Variants in FUS observed in about 807,000 individuals in gnomAD.
FUS encodes the protein RNA-binding protein FUS.
FUS carries 5 observed loss-of-function variants against 82.7 expected under a neutral mutation model. That is an observed-to-expected ratio of 0.06 (90% CI 0.03 to 0.13). The LOEUF is 0.13. FUS is among the 10% of genes least tolerant of loss of function. FUS has a pLI of 1.00. For missense variants in FUS, 512 were observed against 707.8 expected, an observed-to-expected ratio of 0.72 and a Z score of 3.14; for synonymous variants, 281 against 247.4, an observed-to-expected ratio of 1.14 and a Z score of -1.27.
chr16:31,188,923 A>G (rs2079311882), intron 8 of FUS, 200 bp from the exon 9 acceptor site: 1 of 609,672 alleles, frequency 1.6e-6, no homozygotes, highest in Non-Finnish European at 2.9e-6. Context: ...ACATGTTTCA[A>G]AGGATAATTG....
chr16:31,190,485 G>T, intron 12 of FUS, 87 bp downstream of exon 12: 1 of 1,590,464 alleles, frequency 6.3e-7, no homozygotes, highest in Non-Finnish European at 8.6e-7. Context: ...GTTTTCCAAA[G>T]AAGTAAATGT....
At chr16:31,185,570 C>T in intron 6 of FUS, 1 of 536,354 alleles carries the variant, frequency 1.9e-6, no homozygotes, top group Admixed American at 2.2e-5. Context: ...TGTGTATTCC[C>T]ATGTGTCCTC....
At chr16:31,180,785 G>A (rs964428662) in intron 1 of FUS, among the ~76,000 whole-genome samples, 13 of 152,226 alleles carry the variant, frequency 8.5e-5, no homozygotes, top group African/African-American at 3.1e-4. Context: ...GTTCCCGCCT[G>A]GGTTGCCACG....
rs747579808 is a variant in FUS at position 31,184,283 on chromosome 16, GTGGACAGCAGCAAAGCTA to G, written c.430_447del (p.Gly144_Tyr149del). 110 of 1,614,044 alleles carry G rather than the reference GTGGACAGCAGCAAAGCTA, an allele frequency of 6.8e-5. No homozygotes were observed. The highest frequency in any genetic ancestry group is 2.7e-4 in the Admixed American group (16 of 59,996). ...AGCTACAGCCAGCAGCCTAGCTATGGTGGACAGCAGCAAAGCTATGGACAGCAGCAAAGCTATAATCCC... is the reference window on the plus strand; with the variant it reads ...AGCTACAGCCAGCAGCCTAGCTATGGTGGACAGCAGCAAAGCTATAATCCC... On this transcript the variant is annotated inframe_deletion, in exon 5 of 15. Transcript: ENST00000254108.
chr16:31,185,212 G>T (rs1256800682), intron 6 of FUS, 33 bp downstream of exon 6: 3 of 1,580,114 alleles, frequency 1.9e-6, no homozygotes, highest in East Asian at 4.5e-5. Context: ...AGTATCTTTG[G>T]TGGGGAGTGT....
intron 8 of FUS, chr16:31,188,561 GTGA>G (rs2079306595): frequency 7.8e-6 from 5 of 638,660 alleles, no homozygotes; most frequent in Non-Finnish European, 1.4e-5. Flanking sequence ...TCCACCCCCA[GTGA>G]TTTAGGTCTG....
chr16:31,193,662 C>T (rs1226553176), downstream of FUS: 1 of 531,588 alleles, frequency 1.9e-6, no homozygotes, highest in East Asian at 3.9e-5. Context: ...GTGGGTAGGT[C>T]CAGTTTGGGG....
intron 5 of FUS, 101 bp from the exon 6 acceptor site, chr16:31,184,827 TACTTTCTTTTG>T (rs780592973): frequency 1.9e-6 from 1 of 517,124 alleles, no homozygotes; most frequent in Non-Finnish European, 3.0e-6. Flanking sequence ...GCTGTCTTTT[TACTTTCTTTTG>T]TCCTTCATTG....
At chr16:31,192,616 A>G (rs1268699520), downstream of FUS, 5 of 488,004 alleles carry the variant, frequency 1.0e-5, no homozygotes, top group African/African-American at 9.8e-5. Flanking sequence ...GCTGGAGTGC[A>G]GTGGCGTGAT....
intron 5 of FUS, among the ~76,000 whole-genome samples, chr16:31,184,723 G>C (rs974022588): frequency 6.6e-6 from 1 of 152,112 alleles, no homozygotes; most frequent in African/African-American, 2.4e-5. Context: ...GATTACAGGC[G>C]TGAGCCACTG....
At chr16:31,193,996 G>A (rs986538018), downstream of FUS, 7 of 532,722 alleles carry the variant, frequency 1.3e-5, no homozygotes, top group African/African-American at 3.7e-5. Flanking sequence ...GAAGCATTAG[G>A]TGTCCCATTT....
At chr16:31,184,438 C>CTTTTTTT (rs370126678) in intron 5 of FUS, 42 bp downstream of exon 5, 24 of 1,212,396 alleles carry the variant, frequency 2.0e-5, no homozygotes, top group African/African-American at 1.0e-4. Flanking sequence ...TTTTCTTTTT[C>CTTTTTTT]TTTTTTTTTT....
chr16:31,184,009 T>C lies in FUS; in HGVS notation c.335+7T>C. On this transcript the variant is annotated splice_region_variant and intron_variant, in intron 4 of 14. Coordinates refer to ENST00000254108, the MANE Select transcript of FUS (RefSeq NM_004960.4). ...CCAGCAGCACCTCGGGAAGGTACGG[T>C]GGTGTTGATGTCGGGGAAGGCTTGA... The C allele has an allele frequency of 6.2e-7, 1 of 1,613,392 alleles. No homozygotes were observed. The highest frequency in any genetic ancestry group is 1.1e-5 in the South Asian group (1 of 91,052).
Position 31,190,345 on chromosome 16 carries a change from AGGT to A in FUS, c.1245_1247del (p.Gly419del). 1 of 1,613,922 alleles carries A rather than the reference AGGT, an allele frequency of 6.2e-7. No individual in the cohort carries two copies. The highest frequency in any genetic ancestry group is 8.5e-7 in the Non-Finnish European group (1 of 1,179,954). ...GTGGCCGAGGAGGATTTCCCAGTGG[AGGT>A]GGTGGCGGTGGAGGACAGCAGCGAG... is the stretch of plus-strand genomic sequence containing the variant. On this transcript the variant is annotated inframe_deletion, in exon 12 of 15. Coordinates refer to ENST00000254108, the MANE Select transcript of FUS (RefSeq NM_004960.4).
intron 7 of FUS, chr16:31,187,048 A>G (rs1224965994): frequency 1.6e-6 from 1 of 620,074 alleles, no homozygotes; most frequent in African/African-American, 1.8e-5. Context: ...ATCTTTTACC[A>G]AATGGGTTTG....
chr16:31,193,307 A>G (rs773490081), downstream of FUS: 3 of 516,844 alleles, frequency 5.8e-6, no homozygotes, highest in African/African-American at 2.0e-5. Flanking sequence ...TATTAAAAAC[A>G]AAGGATCGTC....
Position 31,185,103 on chromosome 16 carries a change from G to T in FUS, c.688G>T (p.Gly230Cys), listed in dbSNP as rs748374535. 3.7e-6 allele frequency: 6 copies of T among 1,608,004 alleles called. No individual in the cohort carries two copies. In the Admixed American group the frequency reaches 5.1e-5, roughly 14 times the overall value. Residue 230 changes from glycine (G) to cysteine (C), a missense_variant, in exon 6 of 15, where the codon GGT (glycine) becomes TGT (cysteine). Around this residue, in one of 6 missense-constraint regions of FUS, gnomAD observed 276 missense variants for 303.3 expected, o/e 0.91. Transcript: ENST00000254108. The part of the protein sequence containing the change: ...GSGGGGGGGG[G>C]GYNRSSGGYE... ...TGGTGGCGGCGGCGGCGGCGGCGGTGGTGGTTACAACCGCAGCAGTGGTGG... is the reference window on the plus strand; with the variant it reads ...TGGTGGCGGCGGCGGCGGCGGCGGTTGTGGTTACAACCGCAGCAGTGGTGG...
Position 31,189,809 on chromosome 16 carries a change from G to C in FUS, c.1066+15G>C, listed in dbSNP as rs779527584. The C allele has an allele frequency of 6.2e-7, 1 of 1,613,978 alleles. No individual in the cohort carries two copies. The highest frequency in any genetic ancestry group is 1.1e-5 in the South Asian group (1 of 91,068). On this transcript the variant is annotated intron_variant, in intron 10 of 14. Transcript: ENST00000254108. Reference sequence around the variant, plus strand: ...CTGGTTTGATGGTATGTATGAGAAGGCTGGCAGAGGTGGGGCTGGGGATAT... The same window carrying C: ...CTGGTTTGATGGTATGTATGAGAAGCCTGGCAGAGGTGGGGCTGGGGATAT...
At chr16:31,190,451 A>G in intron 12 of FUS, 53 bp downstream of exon 12, 2 of 1,612,300 alleles carry the variant, frequency 1.2e-6, no homozygotes, top group Non-Finnish European at 1.7e-6. Flanking sequence ...GCTCTTTGAT[A>G]TATTGGTACT....
Sources: allele counts gnomAD v4.1 joint callset (sites outside exome capture counted in the v4.1 genomes callset), GRCh38; gene constraint gnomAD v4.1.1; regional missense constraint gnomAD v4.1.1; transcripts MANE v1.5; gene names NCBI Gene and HGNC (gene_info 2026-07-23, HGNC 2026-07-21).